The following MCF2L variants were observed in gnomAD, a reference collection of about 807,000 sequenced individuals.
MCF2L encodes the protein MCF.2 cell line derived transforming sequence like.
In MCF2L, 97 loss-of-function variants were observed where a neutral mutation model predicts 153.4. The ratio of observed to expected loss-of-function variants is 0.63; its 90% CI spans 0.54 to 0.75. MCF2L has a LOEUF of 0.75. Among genes scored for constraint, MCF2L ranks in the 30% least tolerant of loss-of-function variants. MCF2L has a pLI of 0.00. For synonymous variants in MCF2L, 659 were observed against 632.2 expected, an observed-to-expected ratio of 1.04 and a Z score of -0.64; for missense variants, 1,347 against 1,495.2, an observed-to-expected ratio of 0.90 and a Z score of 1.64.
intron 2 of MCF2L, among the ~76,000 whole-genome samples, chr13:112,925,768 G>T (rs75730311): frequency 6.6e-6 from 1 of 152,090 alleles, no homozygotes; most frequent in African/African-American, 2.4e-5. Flanking sequence ...ACTGCTCCGT[G>T]CATGTTCCTA....
chr13:113,090,362 G>A, intron 26 of MCF2L: 1 of 985,444 alleles, frequency 1.0e-6, no homozygotes, highest in South Asian at 4.7e-5. Flanking sequence ...GAAAATGAAG[G>A]CGAGCTTTTC....
intron 1 of MCF2L, among the ~76,000 whole-genome samples, chr13:112,972,488 G>A (rs142793785): frequency 1.3e-5 from 2 of 150,060 alleles, no homozygotes; most frequent in Admixed American, 6.6e-5. Flanking sequence ...ATGGATGGAT[G>A]GATGATGATG....
intron 2 of MCF2L, among the ~76,000 whole-genome samples, chr13:112,920,577 G>A (rs1306322545): frequency 6.6e-6 from 1 of 152,102 alleles, no homozygotes; most frequent in East Asian, 1.9e-4. Context: ...CACATTGTAT[G>A]GCCTGCTGCC....
chr13:113,081,273 C>T lies in MCF2L; in HGVS notation c.1869C>T (p.Val623=), dbSNP rs2034105937. Reference sequence around the variant, plus strand: ...CCTACGTGGAGGAGCTGCTGTGCGTCCTGGAGGTGAGGCTGGACTCGGGGA... The same window carrying T: ...CCTACGTGGAGGAGCTGCTGTGCGTTCTGGAGGTGAGGCTGGACTCGGGGA... ...ERAYVEELLC[V]LEGYAAEMDN... Residue 623 remains valine (V), a synonymous_variant, in exon 16 of 30, where the codon GTC becomes GTT. Coordinates refer to ENST00000535094, the MANE Select transcript of MCF2L (RefSeq NM_001112732.3). The T allele has an allele frequency of 1.9e-6, 3 of 1,586,664 alleles. No homozygotes were observed. Among genetic ancestry groups the T allele is most frequent in the Admixed American group, 1.8e-5 (1 of 55,288 alleles).
Position 113,076,210 on chromosome 13 carries a change from C to CA in MCF2L, c.1500+54dup, listed in dbSNP as rs1439809533. On this transcript the variant is annotated intron_variant, in intron 12 of 29. Coordinates refer to ENST00000535094, the MANE Select transcript of MCF2L (RefSeq NM_001112732.3). ...CAGCTTGCTGTCCCGAGCAGTGAGG[C>CA]ATTCCTCTGTGGGAAGTTTGAAAGA... is the stretch of plus-strand genomic sequence containing the variant. 6 of 1,318,564 alleles carry CA rather than the reference C, an allele frequency of 4.6e-6. No homozygotes were observed. In the African/African-American group the frequency reaches 9.0e-5, roughly 20 times the overall value. 81.7% of individuals were successfully genotyped at this position (1,318,564 alleles called of 1,614,324 possible).
intron 1 of MCF2L, among the ~76,000 whole-genome samples, chr13:112,994,699 G>A (rs898463311): frequency 6.6e-6 from 1 of 152,216 alleles, no homozygotes; most frequent in Admixed American, 6.5e-5. Flanking sequence ...CAGCCCCGAG[G>A]GTGGGGCATC....
chr13:112,956,205 A>AG (rs1014327840), intron 2 of MCF2L: 20 of 155,670 alleles, frequency 1.3e-4, no homozygotes, highest in African/African-American at 4.6e-4. Context: ...GAGTGGCAGG[A>AG]GGGTCCTGGA....
chr13:113,096,700 C>A lies in MCF2L; in HGVS notation c.3292+47C>A, dbSNP rs780695676. On this transcript the variant is annotated intron_variant, in intron 29 of 29. Transcript: ENST00000535094. ...CCCACCCGTGACGCTGCCAAGGGCC[C>A]GGGCGAGGAAGCTGCCCCGTGTGTG... 66 of 1,555,990 alleles carry A rather than the reference C, an allele frequency of 4.2e-5. No individual in the cohort carries two copies. In the Middle Eastern group the frequency reaches 5.1e-4, roughly 12 times the overall value.
At chr13:113,079,043 C>T (rs899688297) in intron 15 of MCF2L, among the ~76,000 whole-genome samples, 5 of 152,240 alleles carry the variant, frequency 3.3e-5, no homozygotes, top group South Asian at 2.1e-4. Flanking sequence ...AGCCTCCACC[C>T]GCCACTGCCA....
intron 1 of MCF2L, among the ~76,000 whole-genome samples, chr13:112,986,558 G>A (rs887954966): frequency 1.3e-5 from 2 of 152,254 alleles, no homozygotes; most frequent in African/African-American, 4.8e-5. Flanking sequence ...CGGTGCTCCC[G>A]GGAGACCACG....
chr13:112,925,877 A>T (rs996994192), intron 2 of MCF2L, among the ~76,000 whole-genome samples: 3 of 148,630 alleles, frequency 2.0e-5, no homozygotes, highest in African/African-American at 7.9e-5. Context: ...GAAGAAAACA[A>T]GAAGCAAAGT....
At chr13:113,014,982 C>T in intron 2 of MCF2L, 136 bp downstream of exon 2, 2 of 721,854 alleles carry the variant, frequency 2.8e-6, no homozygotes, top group East Asian at 5.3e-5. Flanking sequence ...TGCCTTGGGT[C>T]TGACCTGTGA....
At chr13:113,008,157 T>C (rs1466879215) in intron 1 of MCF2L, among the ~76,000 whole-genome samples, 1 of 152,210 alleles carries the variant, frequency 6.6e-6, no homozygotes, top group Non-Finnish European at 1.5e-5. Context: ...CCTCAAGTGA[T>C]TTGTCCACCT....
chr13:112,983,019 G>T lies in MCF2L; in HGVS notation c.79+13561G>T, dbSNP rs1246450289. 6.6e-6 allele frequency among the ~76,000 whole-genome samples: 1 copy of T among 152,152 alleles called. No homozygotes were observed. The highest frequency in any genetic ancestry group is 1.5e-5 in the Non-Finnish European group (1 of 68,014). On this transcript the variant is annotated intron_variant, in intron 1 of 29. Transcript: ENST00000535094. The surrounding 1 kb of genome is among the most constrained non-coding windows in gnomAD (Gnocchi z 4.0). Reference sequence around the variant, plus strand: ...AGGAGGCGCTGGTTCCAGTGGGGAGGTTGGGGAAAGCACTTCCTGATGCCT... The same window carrying T: ...AGGAGGCGCTGGTTCCAGTGGGGAGTTTGGGGAAAGCACTTCCTGATGCCT...
intron 2 of MCF2L, chr13:112,909,472 G>A (rs1015885882): frequency 1.7e-6 from 1 of 593,646 alleles, no homozygotes; most frequent in African/African-American, 1.8e-5. Flanking sequence ...TCTTCGTCAG[G>A]AGCGCACTTG....
upstream of MCF2L, chr13:112,964,979 G>A (rs1362452618): frequency 6.6e-6 from 1 of 152,194 alleles, no homozygotes; most frequent in Admixed American, 6.5e-5. Flanking sequence ...TTAGATGACA[G>A]AGTCCAGGTC....
intron 27 of MCF2L, 193 bp downstream of exon 27, chr13:113,094,828 G>T (rs965144848): frequency 7.7e-5 from 83 of 1,077,784 alleles, no homozygotes; most frequent in Non-Finnish European, 1.1e-4. Flanking sequence ...GGTCCACCCA[G>T]ACCTGGGTCT....
At chr13:113,090,542 C>T (rs2035108826) in intron 26 of MCF2L, 5 of 985,120 alleles carry the variant, frequency 5.1e-6, no homozygotes, top group African/African-American at 1.7e-5. Context: ...GGCCGCTCAG[C>T]CATCTTCTGG....
At chr13:112,984,134 G>A (rs557944377) in intron 1 of MCF2L, among the ~76,000 whole-genome samples, 26 of 152,292 alleles carry the variant, frequency 1.7e-4, no homozygotes, top group South Asian at 8.3e-4. Context: ...GCCGGGTGCC[G>A]GATCTCCCAG....
Sources: gnomAD v4.1 joint callset for allele counts (sites outside exome capture counted in the v4.1 genomes callset) on GRCh38, gnomAD v4.1.1 for gene constraint, Gnocchi (gnomAD v3.1) non-coding constraint, MANE v1.5 for transcripts, NCBI Gene and HGNC (gene_info 2026-07-23, HGNC 2026-07-21) for gene names.